PATJ: variants seen among roughly 807,000 people sequenced by gnomAD.
The protein encoded by PATJ is inaD-like protein.
A neutral mutation model predicts 224.9 loss-of-function variants in PATJ; 190 were observed. The ratio of observed to expected loss-of-function variants is 0.84; its 90% CI spans 0.75 to 0.95. PATJ has a LOEUF of 0.95. PATJ is among the 40% of genes least tolerant of loss of function. The pLI, the probability that PATJ is intolerant of heterozygous loss-of-function variation, is 0.00. For missense variants in PATJ, 2,121 were observed against 2,270.3 expected (o/e 0.93, Z 1.34); for synonymous variants, 769 against 820.3 (o/e 0.94, Z 1.07).
chr1:61,914,673 A>C lies in PATJ; in HGVS notation c.3570+9A>C. 6.6e-7 allele frequency: 1 copy of C among 1,516,516 alleles called. No homozygotes were observed. The highest frequency in any genetic ancestry group is 9.1e-7 in the Non-Finnish European group (1 of 1,096,798). 93.9% of individuals were successfully genotyped at this position (1,516,516 alleles called of 1,614,324 possible). On this transcript the variant is annotated intron_variant, in intron 26 of 43. Coordinates refer to ENST00000642238, the MANE Select transcript of PATJ (RefSeq NM_001350145.3). Reference sequence around the variant, plus strand: ...AAGAAAAGAAAGAAAAGGTAACTTGAACCTCTCAAGGATTTAAAAAATGTT... The same window carrying C: ...AAGAAAAGAAAGAAAAGGTAACTTGCACCTCTCAAGGATTTAAAAAATGTT...
At chr1:62,113,908 C>T in intron 34 of PATJ, 145 bp from the exon 35 acceptor site, 1 of 715,538 alleles carries the variant, frequency 1.4e-6, no homozygotes, top group South Asian at 1.8e-5. Context: ...GCAGCTCATA[C>T]TGCTTGTGGT....
chr1:62,027,241 G>T (rs976081708), intron 29 of PATJ, among the ~76,000 whole-genome samples: 17 of 152,190 alleles, frequency 1.1e-4, no homozygotes, highest in Admixed American at 5.9e-4. Flanking sequence ...TCTGTGACTG[G>T]TATATTTCAC....
intron 15 of PATJ, 138 bp downstream of exon 15, chr1:61,823,217 A>G: frequency 1.3e-6 from 1 of 763,348 alleles, no homozygotes; most frequent in Middle Eastern, 3.7e-4. Flanking sequence ...AAAACCGAAC[A>G]GCTTACTGGA....
At chr1:61,834,455 A>G (rs1172919088) in intron 17 of PATJ, among the ~76,000 whole-genome samples, 4 of 152,214 alleles carry the variant, frequency 2.6e-5, no homozygotes, top group Admixed American at 6.5e-5. Flanking sequence ...GTAAAAGGTC[A>G]CAACAAGACA....
At chr1:62,046,052 A>G (rs1434731761) in intron 30 of PATJ, among the ~76,000 whole-genome samples, 1 of 152,080 alleles carries the variant, frequency 6.6e-6, no homozygotes, top group Non-Finnish European at 1.5e-5. Flanking sequence ...ATTACAAAAA[A>G]TTAGCCAGGC....
At chr1:62,104,942 G>A (rs1430597842) in intron 33 of PATJ, among the ~76,000 whole-genome samples, 1 of 152,082 alleles carries the variant, frequency 6.6e-6, no homozygotes, top group Non-Finnish European at 1.5e-5. Context: ...CACCCAACTC[G>A]GCCTCCCAAA....
intron 1 of PATJ, among the ~76,000 whole-genome samples, chr1:61,761,079 A>G (rs1370774548): frequency 2.0e-5 from 3 of 152,096 alleles, no homozygotes; most frequent in African/African-American, 7.2e-5. Flanking sequence ...CCTGGGCTCA[A>G]GCGATCCTCT....
At position 61,864,438 on chromosome 1, in the gene PATJ, A is replaced by C; in HGVS notation, c.2640A>C (p.Gln880His). 6.2e-7 allele frequency: 1 copy of C among 1,613,862 alleles called. No homozygotes were observed. Among genetic ancestry groups the C allele is most frequent in the Non-Finnish European group, 8.5e-7 (1 of 1,179,702 alleles). ...TTGATGAAGAATATGAGTTATATCA[A>C]GATCCCTCACCATCCATGGAGTTGT... ...ILVDEEYELY[Q>H]DPSPSMELYP... is the part of the protein sequence containing the mutation. The change falls in exon 20 of 44, where the codon CAA (glutamine) becomes CAC (histidine). Residue 880 changes from glutamine to histidine, a missense_variant. Transcript: ENST00000642238.
intron 33 of PATJ, among the ~76,000 whole-genome samples, chr1:62,105,556 C>G (rs4915796): frequency 0.19 from 29,094 of 152,042 alleles, 2,934 homozygotes; most frequent in South Asian, 0.32. Flanking sequence ...CAAGTTTCCT[C>G]CAAATCATTC....
chr1:61,976,303 ACTTT>A (rs1222343238), intron 27 of PATJ, among the ~76,000 whole-genome samples: 2 of 151,984 alleles, frequency 1.3e-5, no homozygotes, highest in Non-Finnish European at 2.9e-5. Flanking sequence ...CCAATTACTT[ACTTT>A]GAGTTTAGGC....
intron 14 of PATJ, among the ~76,000 whole-genome samples, chr1:61,821,102 G>A (rs1205550368): frequency 6.6e-6 from 1 of 150,930 alleles, no homozygotes; most frequent in Non-Finnish European, 1.5e-5. Flanking sequence ...GTGCAGTGGT[G>A]CAACCTCAGC....
intron 33 of PATJ, among the ~76,000 whole-genome samples, chr1:62,099,207 C>T (rs2025291): frequency 6.6e-6 from 1 of 152,044 alleles, no homozygotes; most frequent in African/African-American, 2.4e-5. Flanking sequence ...TTTATGATTT[C>T]TGAACAGGGA....
intron 17 of PATJ, among the ~76,000 whole-genome samples, chr1:61,837,994 G>A (rs896930509): frequency 6.6e-6 from 1 of 152,052 alleles, no homozygotes; most frequent in African/African-American, 2.4e-5. Flanking sequence ...GAGTCATATG[G>A]CCAAAGTACA....
chr1:61,852,279 A>G (rs1039432382), intron 17 of PATJ, among the ~76,000 whole-genome samples: 2 of 152,108 alleles, frequency 1.3e-5, no homozygotes, highest in Non-Finnish European at 1.5e-5. Context: ...CCCATAGTAC[A>G]TGTTTCTCAT....
At chr1:62,024,606 T>C (rs1260937977) in intron 29 of PATJ, among the ~76,000 whole-genome samples, 1 of 151,310 alleles carries the variant, frequency 6.6e-6, no homozygotes, top group Non-Finnish European at 1.5e-5. Context: ...TTATACTATT[T>C]GCCCAGTGGA....
chr1:61,765,263 CAA>C (rs1424918658), intron 3 of PATJ, among the ~76,000 whole-genome samples: 1 of 150,882 alleles, frequency 6.6e-6, no homozygotes, highest in African/African-American at 2.4e-5. Flanking sequence ...TTTGTTGAGA[CAA>C]GAGTCTCACT....
intron 27 of PATJ, among the ~76,000 whole-genome samples, chr1:61,974,915 G>A (rs908034453): frequency 6.6e-6 from 1 of 151,848 alleles, no homozygotes; most frequent in African/African-American, 2.4e-5. Context: ...AACTAAGTGT[G>A]ATTTCACTGT....
At chr1:61,906,220 T>G (rs989831280) in intron 24 of PATJ, among the ~76,000 whole-genome samples, 2 of 152,180 alleles carry the variant, frequency 1.3e-5, no homozygotes, top group African/African-American at 4.8e-5. Flanking sequence ...ATCCACACTC[T>G]GGGTATACCA....
At chr1:61,867,538 G>A (rs1665611761) in intron 20 of PATJ, among the ~76,000 whole-genome samples, 1 of 22,628 alleles carries the variant, frequency 4.4e-5, no homozygotes, top group African/African-American at 9.2e-5. Flanking sequence ...TATTTACTCT[G>A]GAAGTTTACT....
Sources: gnomAD v4.1 joint callset for allele counts (sites outside exome capture counted in the v4.1 genomes callset) on GRCh38, gnomAD v4.1.1 for gene constraint, MANE v1.5 for transcripts, NCBI Gene and HGNC (gene_info 2026-07-23, HGNC 2026-07-21) for gene names.